Variants in ZNF711 observed in about 807,000 individuals in gnomAD.
ZNF711 encodes the protein zinc finger protein 711.
ZNF711 carries 3 observed loss-of-function variants against 43.5 expected under a neutral mutation model. The observed-to-expected ratio is 0.07, with a 90% CI of 0.03 to 0.18. The LOEUF (loss-of-function observed/expected upper bound fraction) is 0.18, where lower values mean the gene tolerates loss of function less well. Ranked by LOEUF, ZNF711 falls within the 10% of genes least tolerant of loss-of-function variation. ZNF711 has a pLI of 1.00. For synonymous variants in ZNF711, 209 were observed against 207.7 expected (o/e 1.01, Z -0.06); for missense variants, 412 against 604.0 (o/e 0.68, Z 3.33).
rs185482179 is a variant in ZNF711, at chrX:85,246,135, G to A, written c.-286+113G>A. ...TTCTATTAGTTATGTGGTAAAGAAA[G>A]TAATTACTCTAATTAAAATCCAAAT... On this transcript the variant is annotated intron_variant, in intron 2 of 10. Coordinates refer to ENST00000674551, the MANE Select transcript of ZNF711 (RefSeq NM_001330574.2). 556 of 112,076 alleles carry A rather than the reference G, an allele frequency of 5.0e-3. 4 individuals carry two copies. Among genetic ancestry groups the A allele is most frequent in the African/African-American group, 0.017 (522 of 30,863 alleles). 9.2% of individuals were successfully genotyped at this position (112,076 alleles called of 1,213,427 possible).
chrX:85,265,247 A>T lies in ZNF711; in HGVS notation c.908A>T (p.Asp303Val). The stretch of plus-strand genomic sequence containing the variant: ...GTTAAAGATTCTTCTCAAGAAGAAG[A>T]TGATATCAGTAAGAAAATAAGGGCA... ...MAVKDSSQEEDDISCAEIADE... is the reference protein window; with the variant it reads ...MAVKDSSQEEVDISCAEIADE... Residue 303 changes from aspartate to valine, a missense_variant, in exon 7 of 11, where the codon GAT becomes GTT. Physicochemically the swap from Asp to Val is radical, Grantham distance 152. Coordinates refer to ENST00000674551, the MANE Select transcript of ZNF711 (RefSeq NM_001330574.2). 1 of 1,208,120 alleles carries T rather than the reference A, an allele frequency of 8.3e-7. No homozygotes were observed. The highest frequency in any genetic ancestry group is 1.7e-5 in the African/African-American group (1 of 57,545).
chrX:85,259,869 G>T (rs1436062012), intron 5 of ZNF711, among the ~76,000 whole-genome samples: 1 of 111,197 alleles, frequency 9.0e-6, no homozygotes, highest in East Asian at 2.8e-4. Flanking sequence ...CTGTTTGGAT[G>T]TCTTTTATTT....
chrX:85,247,856 G>A (rs983015724), intron 4 of ZNF711, among the ~76,000 whole-genome samples: 3 of 110,594 alleles, frequency 2.7e-5, no homozygotes, highest in African/African-American at 9.9e-5. Flanking sequence ...GTTGTGTTAG[G>A]GACACTTGAA....
At position 85,271,338 on chromosome X, in the gene ZNF711, G is replaced by A. The variant is rs1259165678; in HGVS notation, c.1934G>A (p.Ser645Asn). ...THQCPHCDHK[S>N]TNSSDLKRHI... ...CAGTGTCCTCATTGTGACCATAAGA[G>A]CACCAATTCAAGTGACCTTAAGCGG... Residue 645 changes from serine to asparagine, a missense_variant, in exon 11 of 11, where the codon AGC (serine) becomes AAC (asparagine). By Grantham distance (46) the Ser-to-Asn change is conservative. Coordinates refer to ENST00000674551, the MANE Select transcript of ZNF711 (RefSeq NM_001330574.2). 1 of 1,210,299 alleles carries A rather than the reference G, an allele frequency of 8.3e-7. No individual in the cohort carries two copies. Among genetic ancestry groups the A allele is most frequent in the Admixed American group, 2.2e-5 (1 of 45,808 alleles).
chrX:85,251,007 C>T (rs1323585642), intron 4 of ZNF711, among the ~76,000 whole-genome samples: 2 of 111,449 alleles, frequency 1.8e-5, no homozygotes, highest in East Asian at 5.6e-4. Context: ...GCAGCCCCCC[C>T]ATGCTTATTT....
intron 9 of ZNF711, 105 bp downstream of exon 9, chrX:85,268,446 C>G (rs1931291502): frequency 4.3e-6 from 4 of 929,138 alleles, no homozygotes; most frequent in Non-Finnish European, 6.1e-6. Context: ...TTGTTGGACT[C>G]TTACTTGCTT....
chrX:85,267,492 T>C, intron 8 of ZNF711, 77 bp downstream of exon 8: 15 of 804,229 alleles, frequency 1.9e-5, no homozygotes, highest in Non-Finnish European at 2.1e-5. Context: ...AAATAAGCTT[T>C]GTGAATGCCA....
At chrX:85,244,647 C>A (rs1287546278) in intron 1 of ZNF711, 3 of 109,909 alleles carry the variant, frequency 2.7e-5, no homozygotes, top group Admixed American at 9.6e-5. Context: ...CTTTGGAATG[C>A]GCGAGGGATG....
At chrX:85,266,796 A>G (rs952134541) in intron 7 of ZNF711, among the ~76,000 whole-genome samples, 1 of 108,498 alleles carries the variant, frequency 9.2e-6, no homozygotes, top group African/African-American at 3.3e-5. Context: ...TTATATACAT[A>G]TATAATTTTT....
In ZNF711 at chrX:85,249,881, A is replaced by G. The variant is rs570379906; in HGVS notation, c.79+2230A>G. 2.6e-4 allele frequency among the ~76,000 whole-genome samples: 29 copies of G among 111,687 alleles called. No individual in the cohort carries two copies. In the South Asian group the frequency reaches 0.011, roughly 41 times the overall value. On this transcript the variant is annotated intron_variant, in intron 4 of 10. Coordinates refer to ENST00000674551, the MANE Select transcript of ZNF711 (RefSeq NM_001330574.2). ...ATTCCCCATTCTGCCTCTCCCCACC[A>G]GCCCTAGGCAGCCACTAATCTTTGT...
At position 85,271,597 on chromosome X, in the gene ZNF711, C is replaced by T. The variant is rs1232220976; in HGVS notation, c.2193C>T (p.Phe731=). ...AATGTAAAAGGTGCAAGAGAGGATT[C>T]AGACAACAAAATGAGCTAAAAAAAC... ...PLKCKRCKRG[F]RQQNELKKHM... Residue 731 remains phenylalanine, a synonymous_variant, in exon 11 of 11, where the codon TTC becomes TTT. Transcript: ENST00000674551. The T allele has an allele frequency of 1.7e-6, 2 of 1,210,645 alleles. No homozygotes were observed. Among genetic ancestry groups the T allele is most frequent in the South Asian group, 3.5e-5 (2 of 56,940 alleles).
At chrX:85,268,794 C>T (rs1931314449) in intron 9 of ZNF711, among the ~76,000 whole-genome samples, 1 of 110,834 alleles carries the variant, frequency 9.0e-6, no homozygotes, top group East Asian at 2.8e-4. Flanking sequence ...AGTTTTAATA[C>T]ACTCTATATG....
At chrX:85,267,226 C>A in intron 7 of ZNF711, 52 bp from the exon 8 acceptor site, 2 of 927,288 alleles carry the variant, frequency 2.2e-6, no homozygotes, top group Non-Finnish European at 2.8e-6. Context: ...GAATTTTTAC[C>A]CACTTATTAA....
At chrX:85,256,202 A>G (rs1006492299) in intron 5 of ZNF711, among the ~76,000 whole-genome samples, 1 of 107,450 alleles carries the variant, frequency 9.3e-6, no homozygotes, top group Non-Finnish European at 1.9e-5. Context: ...TAAGCAGAAT[A>G]TGTTAAGAAA....
intron 8 of ZNF711, 26 bp from the exon 9 acceptor site, chrX:85,268,268 C>CTTTTTTTTTTTTTTTTT: frequency 1.1e-6 from 1 of 911,046 alleles, no homozygotes. Flanking sequence ...TGTAATTGGT[C>CTTTTTTTTTTTTTTTTT]TTTTTTTTTT....
chrX:85,251,960 C>T (rs1276592590), intron 4 of ZNF711, among the ~76,000 whole-genome samples: 1 of 111,380 alleles, frequency 9.0e-6, no homozygotes, highest in African/African-American at 3.3e-5. Context: ...TGAGGATAAT[C>T]GCACTCACCT....
rs1441453422 is a variant in ZNF711, at chrX:85,271,970, T to C, written c.*142T>C. The C allele has an allele frequency of 2.0e-6, 1 of 510,387 alleles. No individual in the cohort carries two copies. The highest frequency in any genetic ancestry group is 3.3e-6 in the Non-Finnish European group (1 of 306,357). The allele number at this position is 510,387 out of a possible 1,213,427, so 42.1% of individuals were successfully genotyped here. ...TCTTTGTATTAAAGATCTTAAAATA[T>C]TTGAATTCACAGGGGATCCCATAGC... is the stretch of plus-strand genomic sequence containing the variant. On this transcript the variant is annotated 3_prime_UTR_variant, in exon 11 of 11. Coordinates refer to ENST00000674551, the MANE Select transcript of ZNF711 (RefSeq NM_001330574.2).
chrX:85,252,086 G>A (rs1929597276), intron 4 of ZNF711, among the ~76,000 whole-genome samples: 1 of 111,687 alleles, frequency 9.0e-6, no homozygotes, highest in Non-Finnish European at 1.9e-5. Flanking sequence ...TGTTTAGAAA[G>A]TCAGTGGAAT....
chrX:85,250,036 C>T lies in ZNF711; in HGVS notation c.79+2385C>T, dbSNP rs768329144. On this transcript the variant is annotated intron_variant, in intron 4 of 10. Coordinates refer to ENST00000674551, the MANE Select transcript of ZNF711 (RefSeq NM_001330574.2). ...AGCATGTATCAGTACATACTTCATT[C>T]GTTTTCACTGCCAATGATATTCCAT... 6.4e-4 allele frequency among the ~76,000 whole-genome samples: 72 copies of T among 112,462 alleles called. 1 individual carries two copies. In the Middle Eastern group the frequency reaches 0.018, roughly 29 times the overall value.
Sources: allele counts gnomAD v4.1 joint callset (sites outside exome capture counted in the v4.1 genomes callset), GRCh38; gene constraint gnomAD v4.1.1; transcripts MANE v1.5; gene names NCBI Gene and HGNC (gene_info 2026-07-23, HGNC 2026-07-21).